Variants in SUN2 observed in about 807,000 individuals in gnomAD.
The protein encoded by SUN2 is Sad1 and UNC84 domain containing 2.
SUN2 carries 60 observed loss-of-function variants against 100.0 expected under a neutral mutation model. The observed-to-expected ratio is 0.60, with a 90% CI of 0.49 to 0.74. The LOEUF (loss-of-function observed/expected upper bound fraction) is 0.74. SUN2 is among the 30% of genes least tolerant of loss of function. The pLI, the probability that SUN2 is intolerant of heterozygous loss-of-function variation, is 0.00. For missense variants in SUN2, 834 were observed against 954.6 expected (o/e 0.87, Z 1.66); for synonymous variants, 367 against 403.3 (o/e 0.91, Z 1.08).
At chr22:38,750,374 T>A (rs1229207080) in intron 4 of SUN2, 54 bp from the exon 5 acceptor site, 1 of 1,605,750 alleles carries the variant, frequency 6.2e-7, no homozygotes, top group African/African-American at 1.3e-5. Flanking sequence ...GCCTCTTCCT[T>A]CACTGTCTTC....
rs775951262 is a variant in SUN2, at chr22:38,738,006, C to T, written c.2040+167G>A. On this transcript the variant is annotated intron_variant, in intron 17 of 17. Transcript: ENST00000689035. The surrounding 1 kb of genome is among the most constrained non-coding windows in gnomAD (Gnocchi z 6.6). ...GTGCCTTCCCCTGTGCTGACGTCTG[C>T]AGGATGCGTGTTACACCCCATTTGG... is the stretch of plus-strand genomic sequence containing the variant. 1.4e-6 allele frequency: 1 copy of T among 730,524 alleles called. No individual in the cohort carries two copies. The highest frequency in any genetic ancestry group is 1.7e-5 in the African/African-American group (1 of 57,670). The allele number at this position is 730,524 out of a possible 1,614,324, so 45.3% of individuals were successfully genotyped here. A position where few individuals can be genotyped will look rare whatever the true frequency, so the allele number is the denominator to read the frequency against.
chr22:38,748,781 C>G lies in SUN2; in HGVS notation c.617G>C (p.Arg206Pro), dbSNP rs568825133. ...SLLDVFVLTR[R>P]FSSLKTFLWF... The stretch of plus-strand genomic sequence containing the variant: ...GAGGAACGTCTTCAGGGACGAGAAG[C>G]GCCTGGACCACGCGGGAGGGCAGGA... The change falls in exon 7 of 18, where the codon CGC (arginine) becomes CCC (proline). Residue 206 changes from arginine to proline, a missense_variant and splice_region_variant. By Grantham distance (103) the Arg-to-Pro change is moderately radical. Transcript: ENST00000689035. 6.2e-7 allele frequency: 1 copy of G among 1,614,194 alleles called. No individual in the cohort carries two copies. The highest frequency in any genetic ancestry group is 8.5e-7 in the Non-Finnish European group (1 of 1,180,036).
In SUN2 at chr22:38,748,707, G is replaced by C. The variant is rs762441981; in HGVS notation, c.685+6C>G. The C allele has an allele frequency of 2.5e-6, 4 of 1,614,182 alleles. No individual in the cohort carries two copies. The East Asian group carries it at 8.9e-5, about 36-fold the overall frequency. On this transcript the variant is annotated splice_donor_region_variant and intron_variant, in intron 7 of 17. Transcript: ENST00000689035. ...GCCTCCCTCTGCTCTCCCCATGCAG[G>C]CTCACCATACGTCAGGCACGTCAGC...
At chr22:38,751,157 T>C in intron 3 of SUN2, 53 bp downstream of exon 3, 7 of 1,604,658 alleles carry the variant, frequency 4.4e-6, no homozygotes, top group Non-Finnish European at 6.0e-6. Context: ...GTGAGGAGTA[T>C]CTCGCGGGAG....
intron 7 of SUN2, among the ~76,000 whole-genome samples, chr22:38,748,499 C>T (rs377255807): frequency 6.6e-5 from 10 of 152,174 alleles, no homozygotes; most frequent in East Asian, 1.9e-4. Flanking sequence ...CCCAATGTTG[C>T]GGCACTAGGG....
Position 38,738,174 on chromosome 22 carries a change from T to C in SUN2, c.2039A>G (p.Gln680Arg), listed in dbSNP as rs1486287848. The change falls in exon 17 of 18, where the codon CAG becomes CGG. Residue 680 changes from glutamine (Q) to arginine (R), a missense_variant and splice_region_variant. Around this residue, in one of 3 missense-constraint regions of SUN2, gnomAD observed 80 missense variants for 76.7 expected, o/e 1.04. Transcript: ENST00000689035. The surrounding 1 kb of genome is among the most constrained non-coding windows in gnomAD (Gnocchi z 6.6). ...TGCTAGCACAGCAGCATCCCGTACC[T>C]GAAAGTGAAACGTCTGAATAGGCTC... ...DGEPIQTFHF[Q>R]APTMATYQVV... The C allele has an allele frequency of 1.2e-6, 2 of 1,613,714 alleles. No individual in the cohort carries two copies. The highest frequency in any genetic ancestry group is 2.7e-5 in the African/African-American group (2 of 74,892).
Position 38,739,155 on chromosome 22 carries a change from A to C in SUN2, c.1664-167T>G. ...TTAAAGGTCAGCCTCTCCCTGGCCC[A>C]GGATGGTACTCGGTACGTCCTGACT... On this transcript the variant is annotated intron_variant, in intron 14 of 17. Coordinates refer to ENST00000689035, the MANE Select transcript of SUN2 (RefSeq NM_015374.3). This position sits in a 1 kb window ranked among gnomAD's most constrained non-coding sequence, Gnocchi z 6.7. The C allele has an allele frequency of 1.1e-6, 1 of 906,496 alleles. No homozygotes were observed. The highest frequency in any genetic ancestry group is 1.7e-6 in the Non-Finnish European group (1 of 575,280). The allele number at this position is 906,496 out of a possible 1,614,324, so 56.2% of individuals were successfully genotyped here.
chr22:38,741,700 T>A, intron 9 of SUN2, 129 bp from the exon 10 acceptor site: 1 of 801,014 alleles, frequency 1.2e-6, no homozygotes, highest in Non-Finnish European at 2.1e-6. Context: ...CTCAGCCTTC[T>A]CTGAACCACG....
In SUN2 at chr22:38,755,380, T is replaced by A. The variant is rs1042487734; in HGVS notation, c.-38+383A>T. 18 of 1,013,524 alleles carry A rather than the reference T, an allele frequency of 1.8e-5. No homozygotes were observed. The highest frequency in any genetic ancestry group is 2.0e-5 in the Non-Finnish European group (17 of 844,498). 62.8% of individuals were successfully genotyped at this position (1,013,524 alleles called of 1,614,324 possible). ...GAACTGAACAAAACGGGCCTTCCTC[T>A]GAGGCCCTGAGTTCTGACAGGCAGA... On this transcript the variant is annotated intron_variant, in intron 1 of 17. Transcript: ENST00000689035. This position sits in a 1 kb window ranked among gnomAD's most constrained non-coding sequence, Gnocchi z 5.7.
chr22:38,748,615 A>T (rs974272889), intron 7 of SUN2, 98 bp downstream of exon 7: 11 of 1,389,588 alleles, frequency 7.9e-6, no homozygotes, highest in Admixed American at 3.4e-5. Context: ...TCACAGGCAC[A>T]CCCCACCCAG....
rs1431397157 is a variant in SUN2, at chr22:38,750,226, T to C, written c.519A>G (p.Pro173=). The change falls in exon 5 of 18, where the codon CCA becomes CCG. Residue 173 remains proline, a splice_region_variant and synonymous_variant. Transcript: ENST00000689035. ...AACTGGGCACGGGTTGCAGCCCACC[T>C]GGCGAAGTGGCCACCATCCAGAGTA... ...GSLLWMVATS[P]GRLFRLLYWW... The C allele has an allele frequency of 6.2e-7, 1 of 1,610,046 alleles. No individual in the cohort carries two copies.
intron 8 of SUN2, among the ~76,000 whole-genome samples, chr22:38,744,704 C>T (rs2092889285): frequency 6.6e-6 from 1 of 152,230 alleles, no homozygotes; most frequent in South Asian, 2.1e-4. Context: ...CAGGGCCTCA[C>T]TGTGTTGCCT....
Position 38,741,004 on chromosome 22 carries a change from T to G in SUN2, c.1190+3A>C, listed in dbSNP as rs1244475870. The G allele has an allele frequency of 2.5e-6, 4 of 1,592,568 alleles. No individual in the cohort carries two copies. The highest frequency in any genetic ancestry group is 3.4e-6 in the Non-Finnish European group (4 of 1,169,612). Reference sequence around the variant, plus strand: ...GCCGAGGCCAGCTGGTGGCGCCCAGTACCTTTGCCACTCTGACTTCAGCTG... The same window carrying G: ...GCCGAGGCCAGCTGGTGGCGCCCAGGACCTTTGCCACTCTGACTTCAGCTG... On this transcript the variant is annotated splice_donor_region_variant and intron_variant, in intron 11 of 17. Transcript: ENST00000689035.
At chr22:38,741,325 A>G (rs2092855804) in intron 10 of SUN2, among the ~76,000 whole-genome samples, 169 bp downstream of exon 10, 1 of 152,168 alleles carries the variant, frequency 6.6e-6, no homozygotes, top group Non-Finnish European at 1.5e-5. Flanking sequence ...GCCCCTGCAC[A>G]GCTCTCCAAC....
chr22:38,737,993 G>A lies in SUN2; in HGVS notation c.2040+180C>T, dbSNP rs568618600. On this transcript the variant is annotated intron_variant, in intron 17 of 17. Coordinates refer to ENST00000689035, the MANE Select transcript of SUN2 (RefSeq NM_015374.3). The surrounding 1 kb of genome is among the most constrained non-coding windows in gnomAD (Gnocchi z 4.1). ...GCCCTTCTGGAAGGTGCCTTCCCCT[G>A]TGCTGACGTCTGCAGGATGCGTGTT... 5 of 718,820 alleles carry A rather than the reference G, an allele frequency of 7.0e-6. No homozygotes were observed. In the South Asian group the frequency reaches 7.5e-5, roughly 11 times the overall value. 44.5% of individuals were successfully genotyped at this position (718,820 alleles called of 1,614,324 possible). A position where few individuals can be genotyped will look rare whatever the true frequency, so the allele number is the denominator to read the frequency against.
chr22:38,752,266 T>C (rs2092951301), intron 2 of SUN2, among the ~76,000 whole-genome samples: 1 of 152,248 alleles, frequency 6.6e-6, no homozygotes, highest in African/African-American at 2.4e-5. Flanking sequence ...TACCACTTCC[T>C]GTTTTCTAAG....
In SUN2 at chr22:38,742,561, AG is replaced by A; in HGVS notation, c.814-7del. On this transcript the variant is annotated splice_polypyrimidine_tract_variant and splice_region_variant and intron_variant, in intron 8 of 17. Transcript: ENST00000689035. ...GACATAACACGCTGCTCAGCCTGGA[AG>A]GGCAGAGAGAGAGCCACGGAGTGAG... 2.5e-6 allele frequency: 4 copies of A among 1,603,276 alleles called. No individual in the cohort carries two copies. The highest frequency in any genetic ancestry group is 3.4e-6 in the Non-Finnish European group (4 of 1,173,100).
chr22:38,739,167 G>T lies in SUN2; in HGVS notation c.1663+175C>A. On this transcript the variant is annotated intron_variant, in intron 14 of 17. Transcript: ENST00000689035. This position sits in a 1 kb window ranked among gnomAD's most constrained non-coding sequence, Gnocchi z 6.7. The stretch of plus-strand genomic sequence containing the variant: ...CTCTCCCTGGCCCAGGATGGTACTC[G>T]GTACGTCCTGACTTCCCTGAATTGC... 1 of 895,762 alleles carries T rather than the reference G, an allele frequency of 1.1e-6. No homozygotes were observed. The highest frequency in any genetic ancestry group is 1.8e-6 in the Non-Finnish European group (1 of 565,308). The allele number at this position is 895,762 out of a possible 1,614,324, so 55.5% of individuals were successfully genotyped here.
chr22:38,740,092 CA>C lies in SUN2; in HGVS notation c.1357-150del. 1 of 1,237,902 alleles carries C rather than the reference CA, an allele frequency of 8.1e-7. No individual in the cohort carries two copies. Among genetic ancestry groups the C allele is most frequent in the Non-Finnish European group, 1.1e-6 (1 of 908,844 alleles). 76.7% of individuals were successfully genotyped at this position (1,237,902 alleles called of 1,614,324 possible). On this transcript the variant is annotated intron_variant, in intron 12 of 17. Transcript: ENST00000689035. This position sits in a 1 kb window ranked among gnomAD's most constrained non-coding sequence, Gnocchi z 4.8. The stretch of plus-strand genomic sequence containing the variant: ...GTTATGAACACTCCATGGGCACTAA[CA>C]AAAACAGGAAGAACGCCTGTCAGTG...
Sources: allele counts gnomAD v4.1 joint callset (sites outside exome capture counted in the v4.1 genomes callset), GRCh38; gene constraint gnomAD v4.1.1; regional missense constraint gnomAD v4.1.1; non-coding constraint Gnocchi (gnomAD v3.1); transcripts MANE v1.5; gene names NCBI Gene and HGNC (gene_info 2026-07-23, HGNC 2026-07-21).